SLC3A1: variants seen among roughly 807,000 people sequenced by gnomAD.
The protein encoded by SLC3A1 is amino acid transporter heavy chain SLC3A1.
In SLC3A1, 78 loss-of-function variants were observed where a neutral mutation model predicts 60.3. That is an observed-to-expected ratio of 1.29 (90% CI 1.08 to 1.56). The LOEUF (loss-of-function observed/expected upper bound fraction) is 1.56. SLC3A1 is among the 40% of genes most tolerant of loss of function. The pLI, the probability that SLC3A1 is intolerant of heterozygous loss-of-function variation, is 0.00. For missense variants in SLC3A1, 1,172 were observed against 858.9 expected (o/e 1.36, Z -4.56); for synonymous variants, 392 against 307.9 (o/e 1.27, Z -2.86).
At chr2:44,316,302 G>T (rs1672450290) in intron 9 of SLC3A1, 1 of 152,334 alleles carries the variant, frequency 6.6e-6, no homozygotes, top group Non-Finnish European at 1.5e-5. Flanking sequence ...GTAGATTGCT[G>T]TTTAATGGAG....
chr2:44,299,954 T>G lies in SLC3A1; in HGVS notation c.892-17T>G, dbSNP rs527767739. ...ACGTAGTTAATGTAACCAAGCATTT[T>G]GCTTCTTCATCTTTAGGAAATTTTA... is the stretch of plus-strand genomic sequence containing the variant. On this transcript the variant is annotated splice_polypyrimidine_tract_variant and intron_variant, in intron 4 of 9. Transcript: ENST00000260649. 1.0e-4 allele frequency: 167 copies of G among 1,613,794 alleles called. 2 individuals carry two copies. In the South Asian group the frequency reaches 1.8e-3, roughly 18 times the overall value.
At chr2:44,321,681 G>A, downstream of SLC3A1, 2 of 1,555,554 alleles carry the variant, frequency 1.3e-6, no homozygotes, top group Non-Finnish European at 1.7e-6. Context: ...TTGACACAGT[G>A]TCCCTCCCTC....
At chr2:44,307,555 T>C (rs1016817911) in intron 7 of SLC3A1, among the ~76,000 whole-genome samples, 9 of 142,138 alleles carry the variant, frequency 6.3e-5, no homozygotes, top group African/African-American at 1.6e-4. Flanking sequence ...CAAGTTGTTA[T>C]CTCATTGCAT....
At chr2:44,310,661 T>TA (rs1481809805) in intron 7 of SLC3A1, among the ~76,000 whole-genome samples, 1 of 152,146 alleles carries the variant, frequency 6.6e-6, no homozygotes, top group Non-Finnish European at 1.5e-5. Flanking sequence ...ACACAATTTT[T>TA]AAAAAAATCA....
At chr2:44,291,990 G>A (rs777662944) in intron 4 of SLC3A1, among the ~76,000 whole-genome samples, 4 of 152,048 alleles carry the variant, frequency 2.6e-5, no homozygotes, top group Non-Finnish European at 4.4e-5. Flanking sequence ...AGGTATCAGG[G>A]GTATATATTT....
chr2:44,317,825 C>G (rs916931362), intron 9 of SLC3A1: 3 of 164,406 alleles, frequency 1.8e-5, no homozygotes, highest in Admixed American at 6.3e-5. Context: ...CGAATTATGT[C>G]TAAATAATAC....
intron 6 of SLC3A1, among the ~76,000 whole-genome samples, chr2:44,302,349 T>C (rs893889366): frequency 6.6e-6 from 1 of 152,194 alleles, no homozygotes. Context: ...GCCTGGATCA[T>C]AGTAAACACT....
intron 5 of SLC3A1, among the ~76,000 whole-genome samples, 153 bp from the exon 6 acceptor site, chr2:44,300,850 A>G (rs975552826): frequency 4.6e-5 from 7 of 152,232 alleles, no homozygotes; most frequent in African/African-American, 1.7e-4. Flanking sequence ...TTGAGCATCA[A>G]ATGAAGCATT....
At chr2:44,297,040 C>A (rs567289030) in intron 4 of SLC3A1, among the ~76,000 whole-genome samples, 2 of 152,294 alleles carry the variant, frequency 1.3e-5, no homozygotes, top group East Asian at 3.9e-4. Context: ...TTAGATATGT[C>A]TCTATTAGCA....
chr2:44,308,819 G>A (rs55959118), intron 7 of SLC3A1, among the ~76,000 whole-genome samples: 8,454 of 151,738 alleles, frequency 0.056, 577 homozygotes, highest in African/African-American at 0.17. Context: ...TGCAAGCTCC[G>A]CCTCCCGGGT....
intron 9 of SLC3A1, chr2:44,316,442 G>A (rs1290817862): frequency 1.3e-5 from 2 of 151,788 alleles, no homozygotes; most frequent in African/African-American, 2.4e-5. Flanking sequence ...TGTCCAGAAC[G>A]TACTGAAAAA....
chr2:44,320,362 T>C lies in SLC3A1; in HGVS notation c.1781T>C (p.Ile594Thr). Reference sequence around the variant, plus strand: ...CTGGATGGCATCGACAGAATCTTTATCGTGGTTCTGAATTTTGGAGAATCA... The same window carrying C: ...CTGGATGGCATCGACAGAATCTTTACCGTGGTTCTGAATTTTGGAGAATCA... ...RELDGIDRIFIVVLNFGESTL... is the reference protein window; with the variant it reads ...RELDGIDRIFTVVLNFGESTL... Residue 594 changes from isoleucine to threonine, a missense_variant, in exon 10 of 10, where the codon ATC (isoleucine) becomes ACC (threonine). Transcript: ENST00000260649. The C allele has an allele frequency of 6.2e-7, 1 of 1,614,134 alleles. No homozygotes were observed. Among genetic ancestry groups the C allele is most frequent in the South Asian group, 1.1e-5 (1 of 91,080 alleles).
In SLC3A1 at chr2:44,275,917, C is replaced by T. The variant is rs751153042; in HGVS notation, c.382C>T (p.Pro128Ser). ...GGAGGGGCCCATGTACCAGATCTAC[C>T]CAAGGTCTTTCAAGGACAGTAACAA... Reference protein sequence around the residue: ...WQEGPMYQIYPRSFKDSNKDG... With the variant: ...WQEGPMYQIYSRSFKDSNKDG... The change falls in exon 1 of 10, where the codon CCA becomes TCA. Residue 128 changes from proline (P) to serine (S), a missense_variant. Pro to Ser is a moderately conservative substitution (Grantham distance 74). Coordinates refer to ENST00000260649, the MANE Select transcript of SLC3A1 (RefSeq NM_000341.4). 1 of 1,613,934 alleles carries T rather than the reference C, an allele frequency of 6.2e-7. No homozygotes were observed.
At chr2:44,297,072 C>T (rs1308597701) in intron 4 of SLC3A1, among the ~76,000 whole-genome samples, 4 of 152,220 alleles carry the variant, frequency 2.6e-5, no homozygotes, top group African/African-American at 9.7e-5. Flanking sequence ...AACTCTAATA[C>T]ACAAGTGAAC....
At chr2:44,318,162 C>T (rs1486122158) in intron 9 of SLC3A1, 6 of 436,116 alleles carry the variant, frequency 1.4e-5, no homozygotes, top group Non-Finnish European at 2.8e-5. Flanking sequence ...GTGATCTCGG[C>T]ACACTGCAGC....
chr2:44,280,619 C>G, intron 1 of SLC3A1, 97 bp from the exon 2 acceptor site: 1 of 850,340 alleles, frequency 1.2e-6, no homozygotes, highest in Non-Finnish European at 1.9e-6. Context: ...TTTTTGCCTT[C>G]ATGTAAATAT....
downstream of SLC3A1, chr2:44,321,826 C>A: frequency 3.1e-6 from 5 of 1,613,722 alleles, no homozygotes; most frequent in Non-Finnish European, 4.2e-6. Context: ...TGATAACATA[C>A]CTTTTTGTGA....
At chr2:44,299,259 A>C (rs924513602) in intron 4 of SLC3A1, among the ~76,000 whole-genome samples, 1 of 151,976 alleles carries the variant, frequency 6.6e-6, no homozygotes, top group African/African-American at 2.4e-5. Context: ...GGCTGGTGTC[A>C]AACTCCTGAC....
chr2:44,299,603 T>G (rs977357438), intron 4 of SLC3A1, among the ~76,000 whole-genome samples: 7 of 152,218 alleles, frequency 4.6e-5, no homozygotes, highest in Non-Finnish European at 7.3e-5. Context: ...GTTAAGGAGT[T>G]GGGCATGAGG....
Sources: gnomAD v4.1 joint callset for allele counts (sites outside exome capture counted in the v4.1 genomes callset) on GRCh38, gnomAD v4.1.1 for gene constraint, MANE v1.5 for transcripts, NCBI Gene and HGNC (gene_info 2026-07-23, HGNC 2026-07-21) for gene names.